CTNND2: variants seen among roughly 807,000 people sequenced by gnomAD.
CTNND2 encodes catenin delta 2, also known as catenin delta-2.
Under a neutral mutation model 144.4 loss-of-function variants are expected in CTNND2, and 22 were observed. The ratio of observed to expected loss-of-function variants is 0.15; its 90% CI spans 0.11 to 0.22. The LOEUF (loss-of-function observed/expected upper bound fraction) is 0.22. Among genes scored for constraint, CTNND2 ranks in the 10% least tolerant of loss-of-function variants. The pLI is 1.00. For synonymous variants in CTNND2, 751 were observed against 695.6 expected, an observed-to-expected ratio of 1.08 and a Z score of -1.25; for missense variants, 1,353 against 1,618.8, an observed-to-expected ratio of 0.84 and a Z score of 2.82.
chr5:11,203,379 T>C lies in CTNND2; in HGVS notation c.1762-3718A>G, dbSNP rs574486238. Among the ~76,000 whole-genome samples the C allele has an allele frequency of 2.6e-5, 4 of 152,274 alleles. No individual in the cohort carries two copies. In the South Asian group the frequency reaches 8.3e-4, roughly 32 times the overall value. ...TTTGTTAACATATGATCATTGCAGG[T>C]CAGTTTACCCTCTCCTCACATTATT... On this transcript the variant is annotated intron_variant, in intron 10 of 21. Transcript: ENST00000304623.
chr5:11,678,686 C>T (rs553014288), intron 2 of CTNND2, among the ~76,000 whole-genome samples: 3 of 152,012 alleles, frequency 2.0e-5, no homozygotes, highest in African/African-American at 7.2e-5. Context: ...ATGCAGATCA[C>T]GAACAAAATT....
rs543436535 is a variant in CTNND2 at position 11,818,899 on chromosome 5, C to T, written c.37+84918G>A. ...TCCTCTCCTCAGCAAAGAGTTGTGGCTGTGGAGGTGATGAGTGGAGGGAAG... is the reference window on the plus strand; with the variant it reads ...TCCTCTCCTCAGCAAAGAGTTGTGGTTGTGGAGGTGATGAGTGGAGGGAAG... On this transcript the variant is annotated intron_variant, in intron 1 of 21. Coordinates refer to ENST00000304623, the MANE Select transcript of CTNND2 (RefSeq NM_001332.4). Among the ~76,000 whole-genome samples the T allele has an allele frequency of 7.0e-4, 107 of 152,244 alleles. 1 individual carries two copies. The highest frequency in any genetic ancestry group is 1.1e-3 in the Non-Finnish European group (72 of 68,018).
At position 11,497,513 on chromosome 5, in the gene CTNND2, GGGGGGT is replaced by G. The variant is rs199547455; in HGVS notation, c.287+67425_287+67430del. Among the ~76,000 whole-genome samples the G allele has an allele frequency of 2.6e-3, 226 of 86,922 alleles. 15 individuals are homozygous for G. Among genetic ancestry groups the G allele is most frequent in the Non-Finnish European group, 4.7e-3 (192 of 40,766 alleles). The allele number at this position is 86,922 out of a possible 152,430, so 57.0% of individuals were successfully genotyped here. A position where few individuals can be genotyped will look rare whatever the true frequency, so the allele number is the denominator to read the frequency against. On this transcript the variant is annotated intron_variant, in intron 3 of 21. Transcript: ENST00000304623. ...TCCATGAGGCAAAGAATGATGTGCG[GGGGGGT>G]GGGGGGGGGCAATATGTGCAAAGGC... is the stretch of plus-strand genomic sequence containing the variant.
intron 20 of CTNND2, among the ~76,000 whole-genome samples, chr5:10,983,618 T>G (rs1737571891): frequency 6.6e-6 from 1 of 152,160 alleles, no homozygotes; most frequent in Non-Finnish European, 1.5e-5. Flanking sequence ...TGCATGTCAC[T>G]CCTGTCTCTG....
At chr5:11,874,090 C>G (rs978648255) in intron 1 of CTNND2, among the ~76,000 whole-genome samples, 3 of 143,146 alleles carry the variant, frequency 2.1e-5, no homozygotes, top group Non-Finnish European at 4.8e-5. Flanking sequence ...GAAAAACAAA[C>G]AGAAACGCTG....
At chr5:11,115,734 G>A (rs1296712252) in intron 13 of CTNND2, among the ~76,000 whole-genome samples, 1 of 152,206 alleles carries the variant, frequency 6.6e-6, no homozygotes, top group Non-Finnish European at 1.5e-5. Flanking sequence ...CTGAGCAGAA[G>A]TTAAAAGATG....
chr5:11,236,603 C>A, intron 10 of CTNND2, 88 bp downstream of exon 10: 3 of 1,374,718 alleles, frequency 2.2e-6, no homozygotes, highest in African/African-American at 1.4e-5. Flanking sequence ...AACTTCAGTT[C>A]TCCTAATTCT....
chr5:11,452,105 A>G (rs1341674509), intron 3 of CTNND2, among the ~76,000 whole-genome samples: 1 of 152,262 alleles, frequency 6.6e-6, no homozygotes, highest in South Asian at 2.1e-4. Context: ...ATAATGTCAC[A>G]TGTCTGCACA....
rs144134344 is a variant in CTNND2 at position 11,609,031 on chromosome 5, T to C, written c.175-43975A>G. Among the ~76,000 whole-genome samples the C allele has an allele frequency of 3.3e-3, 509 of 152,294 alleles. 1 individual carries two copies. Among genetic ancestry groups the C allele is most frequent in the Admixed American group, 8.2e-3 (125 of 15,292 alleles). On this transcript the variant is annotated intron_variant, in intron 2 of 21. Coordinates refer to ENST00000304623, the MANE Select transcript of CTNND2 (RefSeq NM_001332.4). ...CAGCCTGGACCACGTTTTCGTCACA[T>C]GGCTTCCTCTACTAGTCCTGTGAAT...
In CTNND2 at chr5:11,443,392, TGGTGTGTGTGTGG is replaced by T. The variant is rs1266494855; in HGVS notation, c.288-31336_288-31324del. 5.7e-4 allele frequency among the ~76,000 whole-genome samples: 25 copies of T among 43,816 alleles called. 1 individual carries two copies. The highest frequency in any genetic ancestry group is 8.5e-4 in the Non-Finnish European group (22 of 25,866). The allele number at this position is 43,816 out of a possible 152,430, so 28.7% of individuals were successfully genotyped here. A position where few individuals can be genotyped will look rare whatever the true frequency, so the allele number is the denominator to read the frequency against. On this transcript the variant is annotated intron_variant, in intron 3 of 21. Transcript: ENST00000304623. ...GGGTGTGGCATGAGTGGGGGGTGTG[TGGTGTGTGTGTGG>T]GGGGGGTGTGTGGTGTGTGTGTGTG... is the stretch of plus-strand genomic sequence containing the variant.
At chr5:11,114,492 G>T (rs11133643) in intron 13 of CTNND2, among the ~76,000 whole-genome samples, 21,646 of 152,016 alleles carry the variant, frequency 0.14, 2,433 homozygotes, top group East Asian at 0.45. Flanking sequence ...CTTAATTCAA[G>T]AGCTTTTCTC....
intron 11 of CTNND2, among the ~76,000 whole-genome samples, chr5:11,172,226 A>G (rs950010496): frequency 6.6e-6 from 1 of 152,142 alleles, no homozygotes; most frequent in African/African-American, 2.4e-5. Context: ...GTGAGGGACC[A>G]CTGGGGCTGG....
intron 9 of CTNND2, among the ~76,000 whole-genome samples, chr5:11,280,549 G>A (rs1747008546): frequency 6.6e-6 from 1 of 152,160 alleles, no homozygotes; most frequent in Non-Finnish European, 1.5e-5. Context: ...CATTAGTTCT[G>A]CGATATCAGA....
chr5:11,080,203 C>T (rs1749400983), intron 16 of CTNND2, among the ~76,000 whole-genome samples: 4 of 152,152 alleles, frequency 2.6e-5, no homozygotes, highest in Admixed American at 2.6e-4. Flanking sequence ...ATACAAATGG[C>T]TAGCACATAT....
intron 6 of CTNND2, among the ~76,000 whole-genome samples, chr5:11,393,854 T>C (rs1397007339): frequency 6.6e-6 from 1 of 152,072 alleles, no homozygotes. Flanking sequence ...ATGTCGTTCC[T>C]CTGCTTGAAA....
In CTNND2 at chr5:11,098,608, G is replaced by A. The variant is rs758047157; in HGVS notation, c.2604C>T (p.Gly868=). Residue 868 remains glycine (G), a synonymous_variant, in exon 15 of 22, where the codon GGC becomes GGT. Transcript: ENST00000304623. ...SNPDTLEGAA[G]ALQNLAAGSW... is the part of the protein sequence containing the mutation. ...TCCCTGCAGCCAAGTTCTGCAGGGC[G>A]CCTGCCGCCCCTTCCAGCGTGTCTG... is the stretch of plus-strand genomic sequence containing the variant. 7.4e-6 allele frequency: 12 copies of A among 1,613,932 alleles called. No individual in the cohort carries two copies. Among genetic ancestry groups the A allele is most frequent in the African/African-American group, 2.7e-5 (2 of 74,912 alleles).
intron 3 of CTNND2, among the ~76,000 whole-genome samples, chr5:11,525,965 C>A (rs1330862053): frequency 6.6e-6 from 1 of 152,148 alleles, no homozygotes; most frequent in Non-Finnish European, 1.5e-5. Context: ...AGTATAGTGG[C>A]ACTATCTTGG....
intron 16 of CTNND2, among the ~76,000 whole-genome samples, chr5:11,072,784 A>C (rs879708497): frequency 6.6e-6 from 1 of 152,214 alleles, no homozygotes; most frequent in Non-Finnish European, 1.5e-5. Context: ...CTGCCCAGAC[A>C]CTGGGACACT....
chr5:11,256,813 G>A (rs1396908498), intron 9 of CTNND2, among the ~76,000 whole-genome samples: 2 of 152,144 alleles, frequency 1.3e-5, no homozygotes, highest in Non-Finnish European at 2.9e-5. Flanking sequence ...TGTACGCCAG[G>A]GTTTCTCAAC....
Sources: gnomAD v4.1 joint callset for allele counts (sites outside exome capture counted in the v4.1 genomes callset) on GRCh38, gnomAD v4.1.1 for gene constraint, MANE v1.5 for transcripts, NCBI Gene and HGNC (gene_info 2026-07-23, HGNC 2026-07-21) for gene names.